The following TG variants were observed in gnomAD, a reference collection of about 807,000 sequenced individuals.
The protein encoded by TG is thyroid hormones.
A neutral mutation model predicts 324.7 loss-of-function variants in TG; 270 were observed. The ratio of observed to expected loss-of-function variants is 0.83; its 90% CI spans 0.75 to 0.92. The LOEUF (loss-of-function observed/expected upper bound fraction) is 0.92. TG is among the 40% of genes least tolerant of loss of function. The pLI is 0.00. For synonymous variants in TG, 1,401 were observed against 1,327.0 expected, an observed-to-expected ratio of 1.06 and a Z score of -1.21; for missense variants, 3,591 against 3,456.4, an observed-to-expected ratio of 1.04 and a Z score of -0.98.
At chr8:133,042,492 T>C (rs574113083) in intron 41 of TG, among the ~76,000 whole-genome samples, 1 of 152,116 alleles carries the variant, frequency 6.6e-6, no homozygotes, top group African/African-American at 2.4e-5. Flanking sequence ...TGCATCTTTT[T>C]TTTTTAACTG....
intron 34 of TG, among the ~76,000 whole-genome samples, chr8:132,976,656 C>T (rs1210470231): frequency 6.6e-6 from 1 of 152,204 alleles, no homozygotes; most frequent in African/African-American, 2.4e-5. Flanking sequence ...TGTCATCAGA[C>T]TCTCATTCTT....
intron 41 of TG, among the ~76,000 whole-genome samples, chr8:133,092,661 A>G (rs1373192832): frequency 2.0e-5 from 3 of 152,176 alleles, no homozygotes; most frequent in African/African-American, 7.2e-5. Context: ...AGCCCACTTC[A>G]TCAGGGAGTG....
Position 133,113,451 on chromosome 8 carries a change from T to A in TG, c.7602T>A (p.Ser2534Arg). 3 of 1,613,964 alleles carry A rather than the reference T, an allele frequency of 1.9e-6. No homozygotes were observed. The highest frequency in any genetic ancestry group is 2.5e-6 in the Non-Finnish European group (3 of 1,179,986). ...KQFEESRGRT[S>R]SKTAFYQALQ... is the part of the protein sequence containing the mutation. ...TTGAGGAAAGTCGAGGCCGGACCAG[T>A]AGCAAAACAGCCTTTTACCAGGCAC... The change falls in exon 44 of 48, where the codon AGT becomes AGA. Residue 2534 changes from serine to arginine, a missense_variant. By Grantham distance (110) the Ser-to-Arg change is moderately radical. Coordinates refer to ENST00000220616, the MANE Select transcript of TG (RefSeq NM_003235.5).
rs762496683 is a variant in TG at position 132,900,295 on chromosome 8, C to T, written c.3389C>T (p.Ala1130Val). The change falls in exon 15 of 48, where the codon GCA (alanine) becomes GTA (valine). Residue 1130 changes from alanine (A) to valine (V), a missense_variant. Ala to Val is a moderately conservative substitution (Grantham distance 64). Transcript: ENST00000220616. ...SGAGTWCVDP[A>V]SGEELRPGSS... ...GCTGGCACCTGGTGTGTGGACCCTG[C>T]ATCAGGAGAAGAGTTGCGGCCTGGC... The T allele has an allele frequency of 3.7e-6, 6 of 1,614,012 alleles. No homozygotes were observed. The Admixed American group carries it at 1.0e-4, about 27-fold the overall frequency.
intron 29 of TG, chr8:132,964,784 G>A (rs1828303252): frequency 3.1e-6 from 2 of 643,148 alleles, no homozygotes; most frequent in Admixed American, 4.9e-5. Context: ...AGAATTCCAT[G>A]TGCCAGCCAC....
intron 24 of TG, among the ~76,000 whole-genome samples, chr8:132,934,669 CAAG>C (rs1236919004): frequency 6.6e-6 from 1 of 152,226 alleles, no homozygotes; most frequent in African/African-American, 2.4e-5. Context: ...TTCTGCAAAG[CAAG>C]AAGAGCTGTT....
intron 40 of TG, among the ~76,000 whole-genome samples, chr8:133,023,597 C>CT (rs1416418326): frequency 6.6e-6 from 1 of 152,116 alleles, no homozygotes; most frequent in African/African-American, 2.4e-5. Context: ...CCTGGGTTTG[C>CT]TTTCCTCTGT....
chr8:133,133,209 G>A (rs1044652807), intron 46 of TG, among the ~76,000 whole-genome samples: 5 of 152,328 alleles, frequency 3.3e-5, no homozygotes, highest in South Asian at 4.1e-4. Flanking sequence ...GAAGGGCAGC[G>A]CTAGGTCCTG....
intron 43 of TG, among the ~76,000 whole-genome samples, chr8:133,104,054 G>T (rs1849574927): frequency 6.6e-6 from 1 of 152,300 alleles, no homozygotes; most frequent in South Asian, 2.1e-4. Context: ...CTGGACTGAG[G>T]CCTGAGCAAT....
chr8:132,969,519 G>T lies in TG; in HGVS notation c.5925G>T (p.Gly1975=), dbSNP rs767939489. The T allele has an allele frequency of 6.2e-7, 1 of 1,613,844 alleles. No individual in the cohort carries two copies. The highest frequency in any genetic ancestry group is 1.3e-5 in the African/African-American group (1 of 74,880). The change falls in exon 32 of 48, where the codon GGG becomes GGT. Residue 1975 remains glycine (G), a synonymous_variant. Transcript: ENST00000220616. ...YTRLPFQKLM[G]ISIRNKVPMS... The stretch of plus-strand genomic sequence containing the variant: ...GCCTGCCGTTCCAAAAACTGATGGG[G>T]ATATCCATTAGAAATAAAGTGCCCA...
chr8:132,997,977 A>C (rs540121799), intron 35 of TG, among the ~76,000 whole-genome samples: 72 of 152,274 alleles, frequency 4.7e-4, no homozygotes, highest in African/African-American at 1.5e-3. Context: ...ATATTTCAGC[A>C]TGTTCCTATG....
chr8:132,968,374 A>G (rs1341825324), intron 31 of TG, among the ~76,000 whole-genome samples: 1 of 152,204 alleles, frequency 6.6e-6, no homozygotes, highest in Non-Finnish European at 1.5e-5. Flanking sequence ...TAAGACAGCC[A>G]CCTTTAATAC....
chr8:132,983,680 C>G, intron 35 of TG: 2 of 551,644 alleles, frequency 3.6e-6, no homozygotes, highest in Non-Finnish European at 6.5e-6. Context: ...TCGCGTTCTC[C>G]CAGTTTTCAT....
chr8:133,022,808 G>C (rs899513947), intron 40 of TG, among the ~76,000 whole-genome samples: 10 of 152,134 alleles, frequency 6.6e-5, no homozygotes, highest in Non-Finnish European at 1.2e-4. Context: ...AGCTGCAGTG[G>C]TCGGGACAGA....
chr8:132,968,023 C>T, intron 31 of TG, 53 bp downstream of exon 31: 1 of 1,597,752 alleles, frequency 6.3e-7, no homozygotes, highest in South Asian at 1.1e-5. Flanking sequence ...TCTGCTGGCT[C>T]TGTGGTTTTA....
intron 40 of TG, among the ~76,000 whole-genome samples, chr8:133,023,064 T>G (rs1040828803): frequency 6.6e-6 from 1 of 152,186 alleles, no homozygotes; most frequent in African/African-American, 2.4e-5. Flanking sequence ...TCATTTAAGA[T>G]CTGAGATATC....
intron 27 of TG, among the ~76,000 whole-genome samples, chr8:132,957,939 G>A (rs531175053): frequency 8.1e-4 from 123 of 152,106 alleles, no homozygotes; most frequent in African/African-American, 2.5e-3. Flanking sequence ...CCTTGTTCCC[G>A]TCTCACCCTT....
At chr8:133,059,365 C>A (rs1183630639) in intron 41 of TG, among the ~76,000 whole-genome samples, 1 of 152,214 alleles carries the variant, frequency 6.6e-6, no homozygotes, top group South Asian at 2.1e-4. Flanking sequence ...AAGGGGCCAG[C>A]ATAGCTGAGT....
chr8:133,019,520 G>A (rs1056492775), intron 38 of TG, 82 bp from the exon 39 acceptor site: 11 of 1,166,702 alleles, frequency 9.4e-6, no homozygotes, highest in South Asian at 3.7e-5. Context: ...TTGGAATGGG[G>A]TAGTGGGCTC....
Sources: gnomAD v4.1 joint callset for allele counts (sites outside exome capture counted in the v4.1 genomes callset) on GRCh38, gnomAD v4.1.1 for gene constraint, MANE v1.5 for transcripts, NCBI Gene and HGNC (gene_info 2026-07-23, HGNC 2026-07-21) for gene names.